Variants in CCNA2 observed in about 807,000 individuals in gnomAD.
The protein encoded by CCNA2 is cyclin A2.
A neutral mutation model predicts 49.4 loss-of-function variants in CCNA2; 3 were observed. The ratio of observed to expected loss-of-function variants is 0.06; its 90% CI spans 0.03 to 0.16. The LOEUF is 0.16. Ranked by LOEUF, CCNA2 falls within the 10% of genes least tolerant of loss-of-function variation. The pLI is 1.00. For synonymous variants in CCNA2, 206 were observed against 197.2 expected (o/e 1.04, Z -0.37); for missense variants, 372 against 519.7 (o/e 0.72, Z 2.76).
At chr4:121,821,599 TATAA>T (rs781057561) in intron 2 of CCNA2, among the ~76,000 whole-genome samples, 5 of 152,360 alleles carry the variant, frequency 3.3e-5, no homozygotes, top group Middle Eastern at 3.4e-3. Context: ...GGATTAACAC[TATAA>T]ATAATTTATT....
In CCNA2 at chr4:121,823,594, C is replaced by A; in HGVS notation, c.35G>T (p.Arg12Leu). 1 of 1,603,922 alleles carries A rather than the reference C, an allele frequency of 6.2e-7. No homozygotes were observed. Among genetic ancestry groups the A allele is most frequent in the South Asian group, 1.1e-5 (1 of 89,798 alleles). ...LGNSAPGPATREAGSALLALQ... is the reference protein window; with the variant it reads ...LGNSAPGPATLEAGSALLALQ... Reference sequence around the variant, plus strand: ...TGCTAGCAGCGCCGAGCCCGCCTCGCGGGTCGCAGGCCCCGGCGCAGAGTT... The same window carrying A: ...TGCTAGCAGCGCCGAGCCCGCCTCGAGGGTCGCAGGCCCCGGCGCAGAGTT... The change falls in exon 1 of 8, where the codon CGC becomes CTC. Residue 12 changes from arginine to leucine, a missense_variant. Physicochemically the swap from Arg to Leu is moderately radical, Grantham distance 102 (BLOSUM62 -2). Transcript: ENST00000274026.
chr4:121,821,156 G>A, intron 2 of CCNA2, 65 bp from the exon 3 acceptor site: 1 of 1,547,366 alleles, frequency 6.5e-7, no homozygotes, highest in Non-Finnish European at 8.7e-7. Flanking sequence ...AGCTAAAAAT[G>A]ACTGCCATGG....
chr4:121,818,774 A>C lies in CCNA2; in HGVS notation c.1116+26T>G, dbSNP rs756682560. 3.1e-6 allele frequency: 4 copies of C among 1,276,168 alleles called. No individual in the cohort carries two copies. In the Admixed American group the frequency reaches 6.8e-5, roughly 22 times the overall value. 79.1% of individuals were successfully genotyped at this position (1,276,168 alleles called of 1,614,324 possible). A position where few individuals can be genotyped will look rare whatever the true frequency, so the allele number is the denominator to read the frequency against. ...GGCACAGGCATTTCAGTCACAAGAT[A>C]GGTGTGTGAAGACCGTAATACATAC... On this transcript the variant is annotated intron_variant, in intron 6 of 7. Transcript: ENST00000274026.
At position 121,817,674 on chromosome 4, in the gene CCNA2, A is replaced by G; in HGVS notation, c.1263T>C (p.Val421=). The stretch of plus-strand genomic sequence containing the variant: ...GTGTCTCTGGTGGGTTGAGGAGAGA[A>G]ACACCATGATACCTGTAAGTAGGGA... ...EKYKNSKYHG[V]SLLNPPETLN... is the part of the protein sequence containing the mutation. The change falls in exon 8 of 8, where the codon GTT becomes GTC. Residue 421 remains valine (V), a synonymous_variant. Coordinates refer to ENST00000274026, the MANE Select transcript of CCNA2 (RefSeq NM_001237.5). 1 of 1,614,068 alleles carries G rather than the reference A, an allele frequency of 6.2e-7. No individual in the cohort carries two copies. The highest frequency in any genetic ancestry group is 1.1e-5 in the South Asian group (1 of 91,082).
Position 121,820,454 on chromosome 4 carries a change from G to A in CCNA2, c.794+88C>T. On this transcript the variant is annotated intron_variant, in intron 4 of 7. Transcript: ENST00000274026. This position sits in a 1 kb window ranked among gnomAD's most constrained non-coding sequence, Gnocchi z 4.1. ...AAAGTAGTCACTGACTCTGCCTGGTGTATGTTAAAAGGTCACCATTAAAAA... is the reference window on the plus strand; with the variant it reads ...AAAGTAGTCACTGACTCTGCCTGGTATATGTTAAAAGGTCACCATTAAAAA... 1 of 881,236 alleles carries A rather than the reference G, an allele frequency of 1.1e-6. No homozygotes were observed. Among genetic ancestry groups the A allele is most frequent in the Non-Finnish European group, 1.8e-6 (1 of 556,270 alleles). 54.6% of individuals were successfully genotyped at this position (881,236 alleles called of 1,614,324 possible).
At chr4:121,821,550 A>G (rs1180983641) in intron 2 of CCNA2, among the ~76,000 whole-genome samples, 2 of 152,244 alleles carry the variant, frequency 1.3e-5, no homozygotes, top group Admixed American at 6.5e-5. Flanking sequence ...GCCTCTATTA[A>G]CAAGTGTTAT....
At position 121,819,558 on chromosome 4, in the gene CCNA2, G is replaced by T. The variant is rs1490369829; in HGVS notation, c.816C>A (p.Pro272=). 6.2e-7 allele frequency: 1 copy of T among 1,613,230 alleles called. No homozygotes were observed. The highest frequency in any genetic ancestry group is 8.5e-7 in the Non-Finnish European group (1 of 1,179,344). The change falls in exon 5 of 8, where the codon CCC becomes CCA. Residue 272 remains proline (P), a synonymous_variant. Coordinates refer to ENST00000274026, the MANE Select transcript of CCNA2 (RefSeq NM_001237.5). ...TGTACACAAACTCTGCTACTTCTGG[G>T]GGGTATATTTCTTCAAACTTTCTAC... ...LLASKFEEIY[P]PEVAEFVYIT...
intron 2 of CCNA2, among the ~76,000 whole-genome samples, 174 bp downstream of exon 2, chr4:121,822,224 CCAAGT>C (rs945784675): frequency 6.6e-6 from 1 of 152,128 alleles, no homozygotes; most frequent in African/African-American, 2.4e-5. Flanking sequence ...TTGTATGTCA[CCAAGT>C]CAAGTGTTAG....
rs1724753133 is a variant in CCNA2 at position 121,823,497 on chromosome 4, C to A, written c.132G>T (p.Pro44=). The A allele has an allele frequency of 6.2e-7, 1 of 1,613,266 alleles. No individual in the cohort carries two copies. The highest frequency in any genetic ancestry group is 1.3e-5 in the African/African-American group (1 of 74,938). The change falls in exon 1 of 8, where the codon CCG becomes CCT. Residue 44 remains proline (P), a synonymous_variant. Coordinates refer to ENST00000274026, the MANE Select transcript of CCNA2 (RefSeq NM_001237.5). The stretch of plus-strand genomic sequence containing the variant: ...GTACCGCCAGCGCGGCCCGGGTCCG[C>A]GGTTGTTGGACGGGCGCTGCCTTTT... ...NPEKAAPVQQ[P]RTRAALAVLK...
chr4:121,818,298 T>A, intron 6 of CCNA2, 121 bp from the exon 7 acceptor site: 1 of 872,594 alleles, frequency 1.1e-6, no homozygotes, highest in Non-Finnish European at 1.8e-6. Context: ...TTCCAACTAC[T>A]AGTTTTCTCA....
intron 2 of CCNA2, 82 bp from the exon 3 acceptor site, chr4:121,821,173 T>C: frequency 6.7e-7 from 1 of 1,493,810 alleles, no homozygotes; most frequent in Non-Finnish European, 8.9e-7. Context: ...ATGGAAGGAA[T>C]CTCATATTAA....
Position 121,823,455 on chromosome 4 carries a change from C to A in CCNA2, c.174G>T (p.Pro58=). 1.9e-6 allele frequency: 3 copies of A among 1,613,338 alleles called. No homozygotes were observed. The highest frequency in any genetic ancestry group is 2.5e-6 in the Non-Finnish European group (3 of 1,179,828). The change falls in exon 1 of 8, where the codon CCG becomes CCT. Residue 58 remains proline, a synonymous_variant. Coordinates refer to ENST00000274026, the MANE Select transcript of CCNA2 (RefSeq NM_001237.5). ...AALAVLKSGN[P]RGLAQQQRPK... ...GCCTCTGCTGCTGCGCTAGACCCCG[C>A]GGGTTCCCGGACTTCAGTACCGCCA... is the stretch of plus-strand genomic sequence containing the variant.
chr4:121,817,076 C>T lies in CCNA2; in HGVS notation c.*562G>A. 1 of 478,216 alleles carries T rather than the reference C, an allele frequency of 2.1e-6. No individual in the cohort carries two copies. The highest frequency in any genetic ancestry group is 3.6e-6 in the Non-Finnish European group (1 of 275,316). The allele number at this position is 478,216 out of a possible 1,614,324, so 29.6% of individuals were successfully genotyped here. On this transcript the variant is annotated 3_prime_UTR_variant, in exon 8 of 8. Coordinates refer to ENST00000274026, the MANE Select transcript of CCNA2 (RefSeq NM_001237.5). ...TCCCACCCTCTTCCACTCCCAACCT[C>T]TGTTGAGTTTACCTCGCAAAACCTA... is the stretch of plus-strand genomic sequence containing the variant.
intron 2 of CCNA2, among the ~76,000 whole-genome samples, chr4:121,821,999 T>C (rs969027694): frequency 6.6e-6 from 1 of 152,210 alleles, no homozygotes; most frequent in East Asian, 1.9e-4. Flanking sequence ...AACAAAATTA[T>C]AAAACTGGAA....
chr4:121,821,127 T>A (rs777992077), intron 2 of CCNA2, 36 bp from the exon 3 acceptor site: 2 of 1,592,520 alleles, frequency 1.3e-6, no homozygotes, highest in South Asian at 2.3e-5. Flanking sequence ...AAATTAATTG[T>A]TTGCCTATTT....
chr4:121,819,555 T>A lies in CCNA2; in HGVS notation c.819A>T (p.Pro273=). The A allele has an allele frequency of 6.2e-7, 1 of 1,613,606 alleles. No homozygotes were observed. The change falls in exon 5 of 8, where the codon CCA becomes CCT. Residue 273 remains proline (P), a synonymous_variant. Coordinates refer to ENST00000274026, the MANE Select transcript of CCNA2 (RefSeq NM_001237.5). ...LASKFEEIYP[P]EVAEFVYITD... ...TAATGTACACAAACTCTGCTACTTC[T>A]GGGGGGTATATTTCTTCAAACTTTC...
chr4:121,817,032 G>C lies in CCNA2; in HGVS notation c.*606C>G. Reference sequence around the variant, plus strand: ...AAACCTTCTGGAGCATTTCTCGTCTGTTAATTTGCATATAAGCTTCCCACC... The same window carrying C: ...AAACCTTCTGGAGCATTTCTCGTCTCTTAATTTGCATATAAGCTTCCCACC... On this transcript the variant is annotated 3_prime_UTR_variant, in exon 8 of 8. Transcript: ENST00000274026. The C allele has an allele frequency of 1.5e-6, 1 of 646,456 alleles. No individual in the cohort carries two copies. Among genetic ancestry groups the C allele is most frequent in the Non-Finnish European group, 2.5e-6 (1 of 405,100 alleles). The allele number at this position is 646,456 out of a possible 1,614,324, so 40.0% of individuals were successfully genotyped here. A position where few individuals can be genotyped will look rare whatever the true frequency, so the allele number is the denominator to read the frequency against.
rs905607947 is a variant in CCNA2 at position 121,820,690 on chromosome 4, C to A, written c.646G>T (p.Asp216Tyr). The change falls in exon 4 of 8, where the codon GAC (aspartate) becomes TAC (tyrosine). Residue 216 changes from aspartate to tyrosine, a missense_variant. By Grantham distance (160) the Asp-to-Tyr change is radical. This residue lies in a region of CCNA2 where 155 missense variants were observed against 288.1 expected (regional missense o/e 0.54). Coordinates refer to ENST00000274026, the MANE Select transcript of CCNA2 (RefSeq NM_001237.5). The surrounding 1 kb of genome is among the most constrained non-coding windows in gnomAD (Gnocchi z 4.1). ...ITNSMRAILV[D>Y]WLVEVGEEYK... ...TCTTCTCCTACTTCAACTAACCAGT[C>A]CACGAGGATAGCTCTCATACTGTTA... is the stretch of plus-strand genomic sequence containing the variant. 6.2e-7 allele frequency: 1 copy of A among 1,613,932 alleles called. No individual in the cohort carries two copies. The highest frequency in any genetic ancestry group is 1.7e-5 in the Admixed American group (1 of 60,012).
chr4:121,816,808 A>G lies in CCNA2; in HGVS notation c.*830T>C. 1 of 1,602,686 alleles carries G rather than the reference A, an allele frequency of 6.2e-7. No individual in the cohort carries two copies. Among genetic ancestry groups the G allele is most frequent in the Non-Finnish European group, 8.5e-7 (1 of 1,173,880 alleles). ...CCAGTGCAAAACAAGAAAAAGCACC[A>G]AGTAAAAAGCCAGTGAAAAGAAGAA... On this transcript the variant is annotated 3_prime_UTR_variant, in exon 8 of 8. Transcript: ENST00000274026.
Sources: gnomAD v4.1 joint callset for allele counts (sites outside exome capture counted in the v4.1 genomes callset) on GRCh38, gnomAD v4.1.1 for gene constraint, gnomAD v4.1.1 regional missense constraint, Gnocchi (gnomAD v3.1) non-coding constraint, MANE v1.5 for transcripts, NCBI Gene and HGNC (gene_info 2026-07-23, HGNC 2026-07-21) for gene names.